AMZ1: variants seen among roughly 807,000 people sequenced by gnomAD.
AMZ1 encodes archaelysin family metallopeptidase 1, also known as archaemetzincin-1.
AMZ1 carries 39 observed loss-of-function variants against 29.9 expected under a neutral mutation model. The observed-to-expected ratio is 1.30, with a 90% CI of 1.01 to 1.70. AMZ1 has a LOEUF of 1.70. Ranked by LOEUF, AMZ1 falls within the 40% of genes most tolerant of loss-of-function variation. AMZ1 has a pLI of 0.00. For missense variants in AMZ1, 1,041 were observed against 680.6 expected (o/e 1.53, Z -5.89); for synonymous variants, 458 against 304.0 (o/e 1.51, Z -5.27).
At chr7:2,685,827 T>C, upstream of AMZ1, among the ~76,000 whole-genome samples, 1 of 138,202 alleles carries the variant, frequency 7.2e-6, no homozygotes, top group East Asian at 2.1e-4. Context: ...CACTCCAGCC[T>C]GAGTGACAGA....
chr7:2,753,281 G>C lies in AMZ1; in HGVS notation n.551-11431G>C, dbSNP rs547270133. ...TGATCCTCCTGCCTCAGCCTCCCAA[G>C]TAGCTGGGACTATAGGTGCATGCCA... On this transcript the variant is annotated intron_variant and non_coding_transcript_variant, in intron 4 of 4. Coordinates refer to the AMZ1 transcript ENST00000489665. Among the ~76,000 whole-genome samples the C allele has an allele frequency of 8.5e-5, 13 of 152,150 alleles. No homozygotes were observed. The East Asian group carries it at 2.5e-3, about 29-fold the overall frequency.
chr7:2,727,010 T>C (rs1359370927), intron 4 of AMZ1, among the ~76,000 whole-genome samples: 3 of 152,202 alleles, frequency 2.0e-5, no homozygotes, highest in African/African-American at 7.2e-5. Context: ...TGCATGTGTT[T>C]AGGTGTATAT....
intron 4 of AMZ1, among the ~76,000 whole-genome samples, chr7:2,740,750 A>C (rs928049593): frequency 6.6e-6 from 1 of 152,184 alleles, no homozygotes; most frequent in African/African-American, 2.4e-5. Flanking sequence ...AGCCCTTAAA[A>C]CTACAGATTT....
intron 3 of AMZ1, among the ~76,000 whole-genome samples, chr7:2,705,941 T>C (rs144302989): frequency 7.4e-4 from 112 of 152,380 alleles, no homozygotes; most frequent in Non-Finnish European, 1.4e-3. Context: ...TTATGGCCTC[T>C]GACCTGTTGG....
chr7:2,761,455 A>T (rs992924234), upstream of AMZ1, among the ~76,000 whole-genome samples: 1 of 152,234 alleles, frequency 6.6e-6, no homozygotes, highest in Non-Finnish European at 1.5e-5. Context: ...TCAGAAGCCT[A>T]GTACAAATAA....
At chr7:2,707,196 C>A (rs1325790506) in intron 3 of AMZ1, among the ~76,000 whole-genome samples, 2 of 151,960 alleles carry the variant, frequency 1.3e-5, no homozygotes, top group Non-Finnish European at 2.9e-5. Flanking sequence ...TGGCTTGAAC[C>A]TGGGAGGCGG....
intron 6 of AMZ1, among the ~76,000 whole-genome samples, chr7:2,711,004 C>A (rs1486971705): frequency 6.6e-6 from 1 of 152,230 alleles, no homozygotes; most frequent in African/African-American, 2.4e-5. Context: ...GGGTCTTGTG[C>A]AACCATCTGA....
intron 4 of AMZ1, among the ~76,000 whole-genome samples, chr7:2,734,338 T>G (rs1790051189): frequency 6.6e-6 from 1 of 152,156 alleles, no homozygotes; most frequent in Non-Finnish European, 1.5e-5. Context: ...CCACTTTCTA[T>G]AAGATTCCAC....
chr7:2,757,243 C>T (rs1339512524), intron 4 of AMZ1, among the ~76,000 whole-genome samples: 2 of 140,648 alleles, frequency 1.4e-5, no homozygotes, highest in African/African-American at 5.4e-5. Flanking sequence ...TCACGCCATT[C>T]TCCTGCCTCA....
intron 1 of AMZ1, among the ~76,000 whole-genome samples, chr7:2,692,519 G>T (rs567726597): frequency 6.6e-6 from 1 of 152,192 alleles, no homozygotes; most frequent in Admixed American, 6.5e-5. Context: ...TCCAGCCTGG[G>T]TGATAGAGTG....
chr7:2,710,073 G>A lies in AMZ1; in HGVS notation c.948+257G>A, dbSNP rs1583175886. ...TGCAGCGGGGTCGAGTGGGGACGAG[G>A]GCTTTTCTCCCTCTGTCAGGAAGAG... On this transcript the variant is annotated intron_variant, in intron 6 of 6. Transcript: ENST00000683327. 2.0e-5 allele frequency among the ~76,000 whole-genome samples: 3 copies of A among 152,236 alleles called. 1 individual carries two copies. The highest frequency in any genetic ancestry group is 4.1e-4 in the South Asian group (2 of 4,832).
chr7:2,742,358 T>A (rs1790550254), intron 4 of AMZ1, among the ~76,000 whole-genome samples: 1 of 152,174 alleles, frequency 6.6e-6, no homozygotes, highest in African/African-American at 2.4e-5. Context: ...CCCACGGCCC[T>A]TGGGGTTTTT....
chr7:2,679,565 C>T (rs376048), exon 1 of AMZ1: 4,999 of 140,774 alleles, frequency 0.036, 109 homozygotes, highest in African/African-American at 0.088. Context: ...CTGCGTTGAG[C>T]GCCCACGGTG....
chr7:2,762,587 C>G (rs1791613250), upstream of AMZ1: 1 of 1,497,572 alleles, frequency 6.7e-7, no homozygotes, highest in Non-Finnish European at 8.9e-7. Flanking sequence ...ATTACATTTA[C>G]AAACCCAAAA....
At chr7:2,694,019 C>T (rs1189732281) in intron 1 of AMZ1, among the ~76,000 whole-genome samples, 1 of 152,240 alleles carries the variant, frequency 6.6e-6, no homozygotes, top group Non-Finnish European at 1.5e-5. Context: ...CAGGGCCCAG[C>T]ACCCAGGAAG....
chr7:2,747,922 G>A (rs1486612608), intron 4 of AMZ1, among the ~76,000 whole-genome samples: 1 of 151,654 alleles, frequency 6.6e-6, no homozygotes, highest in African/African-American at 2.4e-5. Context: ...GCTTCAAAGA[G>A]AATAAAATAC....
Position 2,709,086 on chromosome 7 carries a change from T to C in AMZ1, c.613T>C (p.Cys205Arg), listed in dbSNP as rs765112468. 2.5e-6 allele frequency: 4 copies of C among 1,593,572 alleles called. No individual in the cohort carries two copies. In the Admixed American group the frequency reaches 5.3e-5, roughly 21 times the overall value. Residue 205 changes from cysteine (C) to arginine (R), a missense_variant, in exon 5 of 7, where the codon TGC becomes CGC. Cys to Arg is a radical substitution (Grantham distance 180, BLOSUM62 -3). Coordinates refer to ENST00000683327, the MANE Select transcript of AMZ1 (RefSeq NM_001384743.1). Reference protein sequence around the residue: ...KFLPGHEVGVCSFARFSGEFP... With the variant: ...KFLPGHEVGVRSFARFSGEFP... The stretch of plus-strand genomic sequence containing the variant: ...CCATCTCTCTCCAGAAGTGGGCGTC[T>C]GCAGCTTCGCCCGGTTCTCAGGGGA...
chr7:2,723,558 G>A (rs951713240), downstream of AMZ1, among the ~76,000 whole-genome samples: 2 of 152,194 alleles, frequency 1.3e-5, no homozygotes, highest in Non-Finnish European at 2.9e-5. Flanking sequence ...GCCAGCTGTC[G>A]GACTGAGGAG....
intron 4 of AMZ1, among the ~76,000 whole-genome samples, chr7:2,745,105 A>T (rs1437778080): frequency 6.6e-6 from 1 of 152,254 alleles, no homozygotes; most frequent in African/African-American, 2.4e-5. Context: ...GCAGGATATT[A>T]TCCAGGAAAA....
Sources: allele counts gnomAD v4.1 joint callset (sites outside exome capture counted in the v4.1 genomes callset), GRCh38; gene constraint gnomAD v4.1.1; transcripts MANE v1.5; gene names NCBI Gene and HGNC (gene_info 2026-07-23, HGNC 2026-07-21).